Variants in SMARCAD1 observed in about 807,000 individuals in gnomAD.
SMARCAD1 encodes SWI/SNF-related matrix-associated actin-dependent regulator of chromatin subfamily A containing DEAD/H box 1.
In SMARCAD1, 25 loss-of-function variants were observed where a neutral mutation model predicts 127.1. The observed-to-expected ratio is 0.20, with a 90% confidence interval of 0.14 to 0.27. The LOEUF (loss-of-function observed/expected upper bound fraction) is 0.27. SMARCAD1 is among the 10% of genes least tolerant of loss of function. SMARCAD1 has a pLI of 1.00. For missense variants in SMARCAD1, 807 were observed against 1,206.0 expected (o/e 0.67, Z 4.90); for synonymous variants, 400 against 396.9 (o/e 1.01, Z -0.09).
chr4:94,276,243 G>T, intron 14 of SMARCAD1, 96 bp from the exon 15 acceptor site: 8 of 1,340,686 alleles, frequency 6.0e-6, no homozygotes, highest in Non-Finnish European at 8.4e-6. Flanking sequence ...TGTTAGAAAT[G>T]TGTAAATAAA....
chr4:94,217,711 A>T (rs1363966152), intron 2 of SMARCAD1, among the ~76,000 whole-genome samples: 1 of 152,218 alleles, frequency 6.6e-6, no homozygotes, highest in Non-Finnish European at 1.5e-5. Flanking sequence ...TAATCTAAGT[A>T]CAGATTTAAT....
At chr4:94,258,432 T>G (rs1022056139) in intron 9 of SMARCAD1, among the ~76,000 whole-genome samples, 3 of 152,224 alleles carry the variant, frequency 2.0e-5, no homozygotes, top group Admixed American at 2.0e-4. Flanking sequence ...TGGGATTACC[T>G]GGGCCTGTCA....
chr4:94,283,027 C>T (rs1364704641), intron 21 of SMARCAD1, 94 bp from the exon 22 acceptor site: 7 of 1,030,524 alleles, frequency 6.8e-6, no homozygotes. Flanking sequence ...CATACATCTT[C>T]AGGTTTCTTT....
intron 3 of SMARCAD1, among the ~76,000 whole-genome samples, chr4:94,230,813 A>C (rs1440459069): frequency 6.6e-6 from 1 of 152,188 alleles, no homozygotes; most frequent in Non-Finnish European, 1.5e-5. Context: ...TAGCTTCAGC[A>C]GTTGAAGAAG....
rs547082132 is a variant in SMARCAD1 at position 94,285,136 on chromosome 4, A to C, written c.3019+67A>C. 1.6e-4 allele frequency: 170 copies of C among 1,061,354 alleles called. No individual in the cohort carries two copies. In the African/African-American group the frequency reaches 2.4e-3, roughly 15 times the overall value. 65.7% of individuals were successfully genotyped at this position (1,061,354 alleles called of 1,614,324 possible). A position where few individuals can be genotyped will look rare whatever the true frequency, so the allele number is the denominator to read the frequency against. The stretch of plus-strand genomic sequence containing the variant: ...GACCATGCATCTAATTAGTCAGTGC[A>C]AGAGGATGACAAAGATGGCTACCTT... On this transcript the variant is annotated intron_variant, in intron 23 of 23. Transcript: ENST00000354268.
chr4:94,233,868 G>T (rs888062225), intron 3 of SMARCAD1, 86 bp from the exon 4 acceptor site: 2 of 1,323,280 alleles, frequency 1.5e-6, no homozygotes. Context: ...CAGATGTGTT[G>T]TACTATGTAT....
chr4:94,270,176 T>C (rs995074902), intron 10 of SMARCAD1, among the ~76,000 whole-genome samples: 1 of 151,926 alleles, frequency 6.6e-6, no homozygotes, highest in Admixed American at 6.6e-5. Flanking sequence ...ATAATTTTGC[T>C]AAACATGTGC....
At position 94,290,960 on chromosome 4, in the gene SMARCAD1, G is replaced by A; in HGVS notation, c.*1426G>A. The A allele has an allele frequency of 2.2e-6, 1 of 451,028 alleles. No individual in the cohort carries two copies. Among genetic ancestry groups the A allele is most frequent in the South Asian group, 1.6e-5 (1 of 63,078 alleles). The allele number at this position is 451,028 out of a possible 1,614,324, so 27.9% of individuals were successfully genotyped here. A position where few individuals can be genotyped will look rare whatever the true frequency, so the allele number is the denominator to read the frequency against. ...AGATATTAAAGACTGAGAACTCACG[G>A]CTTAACCCCAGTCTTGATGGTATAT... On this transcript the variant is annotated 3_prime_UTR_variant, in exon 24 of 24. Coordinates refer to ENST00000354268, the MANE Select transcript of SMARCAD1 (RefSeq NM_020159.5).
chr4:94,277,208 C>G, intron 16 of SMARCAD1, 49 bp downstream of exon 16: 1 of 1,599,470 alleles, frequency 6.3e-7, no homozygotes, highest in Non-Finnish European at 8.6e-7. Context: ...TGTGTTTTAT[C>G]TGGGCCATTC....
chr4:94,269,782 C>T lies in SMARCAD1; in HGVS notation c.1482-946C>T, dbSNP rs1021406871. 2.6e-5 allele frequency among the ~76,000 whole-genome samples: 4 copies of T among 152,048 alleles called. No homozygotes were observed. In the South Asian group the frequency reaches 8.3e-4, roughly 32 times the overall value. On this transcript the variant is annotated intron_variant, in intron 10 of 23. Coordinates refer to ENST00000354268, the MANE Select transcript of SMARCAD1 (RefSeq NM_020159.5). ...CTCCCAGGCTCAGGTGATCCTTCCA[C>T]CTCAGTCTCCTGAGTAGCTGGGACT...
At chr4:94,230,301 T>C (rs3103143) in intron 3 of SMARCAD1, among the ~76,000 whole-genome samples, 28 of 152,194 alleles carry the variant, frequency 1.8e-4, no homozygotes, top group Non-Finnish European at 1.5e-5. Flanking sequence ...TTTTGTTTCT[T>C]ACACAAAAGA....
rs113401705 is a variant in SMARCAD1, at chr4:94,228,267, A to G, written c.368+1971A>G. Among the ~76,000 whole-genome samples, 1,414 of 152,266 alleles carry G rather than the reference A, an allele frequency of 9.3e-3. 16 individuals carry two copies. The highest frequency in any genetic ancestry group is 0.032 in the African/African-American group (1,317 of 41,548). ...GTAGAAAAGTTGCAAAAAAAAATGC[A>G]TTATCAACTCTCACAGTCTTTTCAG... On this transcript the variant is annotated intron_variant, in intron 3 of 23. Transcript: ENST00000354268.
chr4:94,241,646 CT>C (rs1015398179), intron 6 of SMARCAD1, among the ~76,000 whole-genome samples: 1 of 152,196 alleles, frequency 6.6e-6, no homozygotes, highest in African/African-American at 2.4e-5. Context: ...GTTACTATAT[CT>C]TTCATGATGA....
intron 2 of SMARCAD1, chr4:94,213,010 T>G: frequency 3.4e-6 from 4 of 1,162,716 alleles, no homozygotes; most frequent in Non-Finnish European, 4.6e-6. Context: ...TTTCTCCTTT[T>G]TTTCTTTGAC....
intron 21 of SMARCAD1, among the ~76,000 whole-genome samples, chr4:94,281,941 A>G (rs1027445558): frequency 1.3e-5 from 2 of 151,522 alleles, no homozygotes; most frequent in African/African-American, 4.8e-5. Context: ...AGGGAGGCTG[A>G]GGTGGGAGGA....
intron 4 of SMARCAD1, among the ~76,000 whole-genome samples, chr4:94,234,564 T>C (rs1162543829): frequency 6.6e-6 from 1 of 152,154 alleles, no homozygotes; most frequent in African/African-American, 2.4e-5. Context: ...GTAGCACTCT[T>C]GCTGAGAAAT....
Position 94,214,664 on chromosome 4 carries a change from A to C in SMARCAD1, c.190+6080A>C, listed in dbSNP as rs143322691. Among the ~76,000 whole-genome samples the C allele has an allele frequency of 7.5e-3, 1,146 of 152,314 alleles. 7 individuals are homozygous for C. The highest frequency in any genetic ancestry group is 0.026 in the African/African-American group (1,070 of 41,574). On this transcript the variant is annotated intron_variant, in intron 2 of 23. Coordinates refer to ENST00000354268, the MANE Select transcript of SMARCAD1 (RefSeq NM_020159.5). ...CATCAAGTGATGAGAACTGAAGAACAGTTGGACTGTTTAACTGTGCAAAAG... is the reference window on the plus strand; with the variant it reads ...CATCAAGTGATGAGAACTGAAGAACCGTTGGACTGTTTAACTGTGCAAAAG...
chr4:94,237,904 G>A (rs1231587725), intron 5 of SMARCAD1, among the ~76,000 whole-genome samples: 1 of 152,090 alleles, frequency 6.6e-6, no homozygotes, highest in African/African-American at 2.4e-5. Context: ...TTCAAGCAAA[G>A]TGTATGCACA....
At chr4:94,239,562 G>GGT (rs1553916054) in intron 5 of SMARCAD1, among the ~76,000 whole-genome samples, 3 of 142,818 alleles carry the variant, frequency 2.1e-5, no homozygotes, top group Non-Finnish European at 4.6e-5. Flanking sequence ...GCCCTGTTGT[G>GGT]TTTTTTTTTT....
Sources: gnomAD v4.1 joint callset for allele counts (sites outside exome capture counted in the v4.1 genomes callset) on GRCh38, gnomAD v4.1.1 for gene constraint, MANE v1.5 for transcripts, NCBI Gene and HGNC (gene_info 2026-07-23, HGNC 2026-07-21) for gene names.